POM121: variants seen among roughly 807,000 people sequenced by gnomAD.
POM121 encodes the protein nuclear envelope pore membrane protein POM 121.
Under a neutral mutation model 81.3 loss-of-function variants are expected in POM121, and 32 were observed. That is an observed-to-expected ratio of 0.39 (90% CI 0.30 to 0.53). The LOEUF (loss-of-function observed/expected upper bound fraction) is 0.53. POM121 is among the 20% of genes least tolerant of loss of function. The pLI, the probability that POM121 is intolerant of heterozygous loss-of-function variation, is 0.66. For synonymous variants in POM121, 514 were observed against 694.2 expected, an observed-to-expected ratio of 0.74 and a Z score of 4.08; for missense variants, 1,138 against 1,614.6, an observed-to-expected ratio of 0.70 and a Z score of 5.06.
chr7:72,949,994 G>A (rs1554504453), downstream of POM121: 1 of 1,569,726 alleles, frequency 6.4e-7, no homozygotes, highest in East Asian at 2.2e-5. Context: ...CGGGTAAACA[G>A]AGACCCCAGG....
At chr7:72,933,275 C>T (rs1796199952) in intron 5 of POM121, among the ~76,000 whole-genome samples, 1 of 152,064 alleles carries the variant, frequency 6.6e-6, no homozygotes, top group Non-Finnish European at 1.5e-5. Context: ...AACTGCTTGA[C>T]CCTGAAAGGC....
At chr7:72,898,979 CTTTTTTTTTTTTTTTTTTT>C (rs1176371162) in intron 3 of POM121, among the ~76,000 whole-genome samples, 1 of 34,096 alleles carries the variant, frequency 2.9e-5, no homozygotes, top group Non-Finnish European at 4.9e-5. Flanking sequence ...CTTTTCTTTT[CTTTTTTTTTTTTTTTTTTT>C]TTTTTTTAGA....
Position 72,943,286 on chromosome 7 carries a change from C to G in POM121, c.3293C>G (p.Thr1098Arg). ...GGCAGCACAACACCATCACCCTTCA[C>G]GTTTGGGGGTTCGGCAGCCCCCGCT... ...VFGSTTPSPF[T>R]FGGSAAPAGS... Residue 1098 changes from threonine (T) to arginine (R), a missense_variant, in exon 11 of 13, where the codon ACG becomes AGG. Physicochemically the swap from Thr to Arg is moderately conservative, Grantham distance 71. Coordinates refer to ENST00000434423, the MANE Select transcript of POM121 (RefSeq NM_001387691.1). The G allele has an allele frequency of 1.2e-6, 2 of 1,609,444 alleles. No homozygotes were observed. Among genetic ancestry groups the G allele is most frequent in the Non-Finnish European group, 1.7e-6 (2 of 1,178,394 alleles).
intron 1 of POM121, among the ~76,000 whole-genome samples, chr7:72,888,665 G>A (rs1790978550): frequency 7.1e-6 from 1 of 141,652 alleles, no homozygotes; most frequent in South Asian, 2.1e-4. Context: ...CGAGAAGACT[G>A]AGGCATAAGA....
At chr7:72,903,145 A>G (rs1792875127) in intron 3 of POM121, among the ~76,000 whole-genome samples, 1 of 152,246 alleles carries the variant, frequency 6.6e-6, no homozygotes, top group East Asian at 1.9e-4. Context: ...AATTAAAAAG[A>G]AAAAAAGAGG....
chr7:72,882,708 G>A (rs1270168652), intron 1 of POM121, among the ~76,000 whole-genome samples: 1 of 152,252 alleles, frequency 6.6e-6, no homozygotes, highest in African/African-American at 2.4e-5. Context: ...ATATTTGTTC[G>A]TCTTTTTGTT....
rs1554496860 is a variant in POM121, at chr7:72,925,198, G to C, written c.77G>C (p.Arg26Pro). 1 of 1,521,208 alleles carries C rather than the reference G, an allele frequency of 6.6e-7. No homozygotes were observed. Among genetic ancestry groups the C allele is most frequent in the Admixed American group, 2.0e-5 (1 of 49,926 alleles). 94.2% of individuals were successfully genotyped at this position (1,521,208 alleles called of 1,614,324 possible). Reference protein sequence around the residue: ...PIASVRDGRGRGCGGPARAVL... With the variant: ...PIASVRDGRGPGCGGPARAVL... ...GCGAGTGTCAGGGACGGCCGGGGCCGGGGCTGCGGCGGGCCGGCCAGGGCG... is the reference window on the plus strand; with the variant it reads ...GCGAGTGTCAGGGACGGCCGGGGCCCGGGCTGCGGCGGGCCGGCCAGGGCG... The change falls in exon 1 of 13, where the codon CGG becomes CCG. Residue 26 changes from arginine (R) to proline (P), a missense_variant. By Grantham distance (103) the Arg-to-Pro change is moderately radical. Coordinates refer to ENST00000434423, the MANE Select transcript of POM121 (RefSeq NM_001387691.1).
chr7:72,926,238 T>C, intron 1 of POM121, 24 bp from the exon 2 acceptor site: 1 of 1,544,652 alleles, frequency 6.5e-7, no homozygotes, highest in Non-Finnish European at 8.8e-7. Flanking sequence ...TTTGGTTCCG[T>C]GATTTGTCTC....
At chr7:72,899,280 C>T (rs1331929704) in intron 3 of POM121, among the ~76,000 whole-genome samples, 1 of 151,444 alleles carries the variant, frequency 6.6e-6, no homozygotes, top group Non-Finnish European at 1.5e-5. Context: ...CCACAGTGCC[C>T]GGCCTATTTT....
At chr7:72,926,000 T>G (rs1372539626) in intron 1 of POM121, among the ~76,000 whole-genome samples, 1 of 152,130 alleles carries the variant, frequency 6.6e-6, no homozygotes, top group Non-Finnish European at 1.5e-5. Context: ...CCTCGAATTT[T>G]AGTGCAGCCT....
At chr7:72,894,150 G>T (rs1239053462) in intron 3 of POM121, among the ~76,000 whole-genome samples, 1 of 152,140 alleles carries the variant, frequency 6.6e-6, no homozygotes, top group African/African-American at 2.4e-5. Flanking sequence ...TGTAGTCCCA[G>T]ATATTTGGAG....
At position 72,925,559 on chromosome 7, in the gene POM121, G is replaced by A. The variant is rs782189529; in HGVS notation, c.438G>A (p.Pro146=). ...GCAGTTACCTGGGCAAGCCCGGGCC[G>A]CCGCAGCCCGCCGCCGCTCCGGAGG... ...LMGSYLGKPG[P]PQPAAAPEGQ... The change falls in exon 1 of 13, where the codon CCG becomes CCA. Residue 146 remains proline, a synonymous_variant. Coordinates refer to ENST00000434423, the MANE Select transcript of POM121 (RefSeq NM_001387691.1). 49 of 1,527,416 alleles carry A rather than the reference G, an allele frequency of 3.2e-5. No homozygotes were observed. The South Asian group carries it at 4.8e-4, about 15-fold the overall frequency. The allele number at this position is 1,527,416 out of a possible 1,614,324, so 94.6% of individuals were successfully genotyped here.
downstream of POM121, chr7:72,949,304 C>A: frequency 1.2e-6 from 1 of 820,018 alleles, no homozygotes; most frequent in Non-Finnish European, 2.2e-6. Flanking sequence ...CGCCTTCTCA[C>A]CATCTCACCC....
At chr7:72,891,430 G>A (rs1381352787) in intron 3 of POM121, among the ~76,000 whole-genome samples, 4 of 152,034 alleles carry the variant, frequency 2.6e-5, no homozygotes, top group Non-Finnish European at 4.4e-5. Context: ...TTTTGGAGAC[G>A]GAGTCTTGTT....
upstream of POM121, among the ~76,000 whole-genome samples, chr7:72,922,551 T>C (rs1168485236): frequency 3.3e-5 from 5 of 151,646 alleles, no homozygotes; most frequent in Non-Finnish European, 5.9e-5. Context: ...CAGGCAAATT[T>C]TTGTGTTTTT....
chr7:72,937,473 T>C (rs565989618), intron 5 of POM121, among the ~76,000 whole-genome samples: 55 of 151,992 alleles, frequency 3.6e-4, no homozygotes, highest in African/African-American at 1.2e-3. Context: ...TCAACTGTTA[T>C]TGCCGTGAGC....
At chr7:72,914,534 C>T (rs559020319) in intron 4 of POM121, among the ~76,000 whole-genome samples, 1 of 144,554 alleles carries the variant, frequency 6.9e-6, no homozygotes, top group South Asian at 2.2e-4. Context: ...TAGGGTCTCG[C>T]TGTAGAGATA....
intron 3 of POM121, among the ~76,000 whole-genome samples, chr7:72,903,310 G>A (rs1424040862): frequency 3.9e-5 from 6 of 152,032 alleles, no homozygotes; most frequent in Admixed American, 2.0e-4. Context: ...GGTGGTATGC[G>A]CCTATAATCC....
At chr7:72,900,504 A>AT (rs1246126744) in intron 3 of POM121, among the ~76,000 whole-genome samples, 1 of 150,486 alleles carries the variant, frequency 6.6e-6, no homozygotes, top group Non-Finnish European at 1.5e-5. Flanking sequence ...TTACATTTTT[A>AT]TTTTAATTTT....
Sources: gnomAD v4.1 joint callset for allele counts (sites outside exome capture counted in the v4.1 genomes callset) on GRCh38, gnomAD v4.1.1 for gene constraint, MANE v1.5 for transcripts, NCBI Gene and HGNC (gene_info 2026-07-23, HGNC 2026-07-21) for gene names.